ERCC6L2: variants seen among roughly 807,000 people sequenced by gnomAD.
ERCC6L2 encodes the protein DNA excision repair protein ERCC-6-like 2.
In ERCC6L2, 77 loss-of-function variants were observed where a neutral mutation model predicts 132.0. The observed-to-expected ratio is 0.58, with a 90% CI of 0.49 to 0.71. The LOEUF (loss-of-function observed/expected upper bound fraction) is 0.71. Ranked by LOEUF, ERCC6L2 falls within the 30% of genes least tolerant of loss-of-function variation. ERCC6L2 has a pLI of 0.00. For synonymous variants in ERCC6L2, 583 were observed against 632.4 expected, an observed-to-expected ratio of 0.92 and a Z score of 1.17; for missense variants, 1,542 against 1,837.6, an observed-to-expected ratio of 0.84 and a Z score of 2.94.
intron 19 of ERCC6L2, among the ~76,000 whole-genome samples, chr9:96,029,464 T>A (rs1834427258): frequency 6.6e-6 from 1 of 152,172 alleles, no homozygotes; most frequent in African/African-American, 2.4e-5. Context: ...GTTTCCTGGA[T>A]GTGTCCAGTT....
At chr9:95,899,633 CGT>C (rs1828665892) in intron 3 of ERCC6L2, among the ~76,000 whole-genome samples, 1 of 121,860 alleles carries the variant, frequency 8.2e-6, no homozygotes, top group African/African-American at 3.1e-5. Flanking sequence ...TGTGTGTGTG[CGT>C]ATGTATGCAT....
At chr9:96,021,066 T>C (rs1834280010), downstream of ERCC6L2, 6 of 448,376 alleles carry the variant, frequency 1.3e-5, no homozygotes, top group South Asian at 9.5e-5. This position sits in a 1 kb window ranked among gnomAD's most constrained non-coding sequence, Gnocchi z 4.7. Flanking sequence ...GGGCACCGCC[T>C]GCGCCGGGCA....
chr9:95,996,696 G>A (rs1833483828), intron 17 of ERCC6L2, among the ~76,000 whole-genome samples: 1 of 152,186 alleles, frequency 6.6e-6, no homozygotes, highest in South Asian at 2.1e-4. Flanking sequence ...AACCAACAAA[G>A]CCTGGATGAC....
chr9:95,917,525 T>C (rs1022688916), intron 6 of ERCC6L2, among the ~76,000 whole-genome samples: 1 of 152,230 alleles, frequency 6.6e-6, no homozygotes, highest in African/African-American at 2.4e-5. Context: ...AATAGATACA[T>C]CTGACTTTTG....
At chr9:95,999,307 G>A (rs139936690) in intron 17 of ERCC6L2, among the ~76,000 whole-genome samples, 2,348 of 151,992 alleles carry the variant, frequency 0.015, 26 homozygotes, top group Non-Finnish European at 0.024. Flanking sequence ...CTTGCAGTGA[G>A]CCGAGATCAC....
intron 13 of ERCC6L2, among the ~76,000 whole-genome samples, chr9:95,956,723 A>G (rs1831621613): frequency 6.6e-6 from 1 of 152,148 alleles, no homozygotes; most frequent in Non-Finnish European, 1.5e-5. Context: ...AGAACTCAAT[A>G]TCCTGAGAAC....
intron 2 of ERCC6L2, among the ~76,000 whole-genome samples, chr9:95,896,711 A>G (rs999932246): frequency 5.9e-5 from 9 of 152,190 alleles, no homozygotes; most frequent in Non-Finnish European, 1.2e-4. Flanking sequence ...TGGGTGAGCC[A>G]CTGTGGCCAG....
chr9:96,008,522 C>T (rs961678305), intron 18 of ERCC6L2, among the ~76,000 whole-genome samples: 9 of 152,170 alleles, frequency 5.9e-5, no homozygotes, highest in Admixed American at 3.9e-4. Context: ...AATGGAAGTT[C>T]TTCCCCATGT....
At chr9:95,994,120 C>G (rs939479890) in intron 17 of ERCC6L2, among the ~76,000 whole-genome samples, 1 of 152,076 alleles carries the variant, frequency 6.6e-6, no homozygotes, top group Non-Finnish European at 1.5e-5. Context: ...GCAAAAATCC[C>G]GAAATGTTTT....
chr9:96,000,917 G>A (rs749843356), intron 17 of ERCC6L2, among the ~76,000 whole-genome samples: 42 of 152,290 alleles, frequency 2.8e-4, no homozygotes, highest in African/African-American at 6.0e-4. Flanking sequence ...GGACCCTCGC[G>A]GTGAGTGTTA....
chr9:96,036,443 G>T (rs1371976443), intron 19 of ERCC6L2, among the ~76,000 whole-genome samples: 1 of 152,150 alleles, frequency 6.6e-6, no homozygotes, highest in African/African-American at 2.4e-5. Context: ...GGACACTTGG[G>T]TTGTCCACCT....
intron 19 of ERCC6L2, among the ~76,000 whole-genome samples, chr9:96,032,877 C>T (rs1834477830): frequency 1.3e-5 from 2 of 152,176 alleles, no homozygotes; most frequent in African/African-American, 4.8e-5. Flanking sequence ...TCAACGATGA[C>T]TCTTTCTACT....
chr9:96,003,761 T>C (rs1833769651), intron 17 of ERCC6L2, among the ~76,000 whole-genome samples: 1 of 152,250 alleles, frequency 6.6e-6, no homozygotes, highest in African/African-American at 2.4e-5. Flanking sequence ...ACATTCTGCT[T>C]TCTTACTTTT....
intron 2 of ERCC6L2, among the ~76,000 whole-genome samples, chr9:95,887,006 G>C (rs564793867): frequency 6.6e-6 from 1 of 152,268 alleles, no homozygotes; most frequent in South Asian, 2.1e-4. Context: ...GGCTCTCCTT[G>C]CTCTTCAGCC....
chr9:95,879,786 T>C (rs1827493183), intron 1 of ERCC6L2, among the ~76,000 whole-genome samples: 1 of 152,202 alleles, frequency 6.6e-6, no homozygotes, highest in South Asian at 2.1e-4. Context: ...ATGTTGTAGT[T>C]ATAAATATCT....
chr9:96,017,813 A>ATCTT lies in ERCC6L2; in HGVS notation c.*4610_*4611insTCTT, dbSNP rs1834213677. ...CGCATATTTGAACATCTGTGTTCAT[A>ATCTT]GTGGCATTATTCACAATGGCTACAA... On this transcript the variant is annotated 3_prime_UTR_variant, in exon 19 of 19. Coordinates refer to ENST00000653738, the MANE Select transcript of ERCC6L2 (RefSeq NM_020207.7). 6.6e-6 allele frequency among the ~76,000 whole-genome samples: 1 copy of ATCTT among 152,254 alleles called. No individual in the cohort carries two copies. Among genetic ancestry groups the ATCTT allele is most frequent in the Non-Finnish European group, 1.5e-5 (1 of 68,052 alleles).
chr9:95,912,763 A>G (rs2132689780), intron 4 of ERCC6L2, among the ~76,000 whole-genome samples: 1 of 152,256 alleles, frequency 6.6e-6, no homozygotes, highest in South Asian at 2.1e-4. Flanking sequence ...TTTTAATTAT[A>G]TGACTTTTTG....
At chr9:95,890,424 T>TCA (rs1413101966) in intron 2 of ERCC6L2, among the ~76,000 whole-genome samples, 1 of 152,208 alleles carries the variant, frequency 6.6e-6, no homozygotes, top group Non-Finnish European at 1.5e-5. Context: ...TTGCCCAGTG[T>TCA]CACATAGCTA....
At chr9:96,025,172 T>C (rs963103061) in intron 19 of ERCC6L2, among the ~76,000 whole-genome samples, 6 of 152,198 alleles carry the variant, frequency 3.9e-5, no homozygotes, top group Non-Finnish European at 7.3e-5. Context: ...AAATCATGGA[T>C]GTCAGGCTGG....
Sources: gnomAD v4.1 joint callset for allele counts (sites outside exome capture counted in the v4.1 genomes callset) on GRCh38, gnomAD v4.1.1 for gene constraint, Gnocchi (gnomAD v3.1) non-coding constraint, MANE v1.5 for transcripts, NCBI Gene and HGNC (gene_info 2026-07-23, HGNC 2026-07-21) for gene names.